The following MLXIPL variants were observed in gnomAD, a reference collection of about 807,000 sequenced individuals.
The protein encoded by MLXIPL is carbohydrate-responsive element-binding protein.
MLXIPL carries 49 observed loss-of-function variants against 81.5 expected under a neutral mutation model. That is an observed-to-expected ratio of 0.60 (90% CI 0.48 to 0.76). The LOEUF (loss-of-function observed/expected upper bound fraction) is 0.76, where lower values mean the gene tolerates loss of function less well. MLXIPL is among the 30% of genes least tolerant of loss of function. The pLI, the probability that MLXIPL is intolerant of heterozygous loss-of-function variation, is 0.00. For missense variants in MLXIPL, 1,053 were observed against 1,167.0 expected (o/e 0.90, Z 1.42); for synonymous variants, 466 against 485.5 (o/e 0.96, Z 0.53).
In MLXIPL at chr7:73,597,184, G is replaced by A. The variant is rs1168652119; in HGVS notation, c.1601C>T (p.Ala534Val). ...CTCTCCCCGTTGCTGGCCCTCACCT[G>A]CTGTGAGCAGCTGTGTGAGGCAGGG... ...NNPCLTQLLT[A>V]AKPEQALEPP... The change falls in exon 9 of 17, where the codon GCA becomes GTA. Residue 534 changes from alanine to valine, a missense_variant and splice_region_variant. Coordinates refer to ENST00000313375, the MANE Select transcript of MLXIPL (RefSeq NM_032951.3). 15 of 1,602,148 alleles carry A rather than the reference G, an allele frequency of 9.4e-6. No individual in the cohort carries two copies. Among genetic ancestry groups the A allele is most frequent in the Non-Finnish European group, 1.3e-5 (15 of 1,176,944 alleles).
Position 73,615,108 on chromosome 7 carries a change from G to A in MLXIPL, c.400+963C>T, listed in dbSNP as rs1439030957. On this transcript the variant is annotated intron_variant, in intron 2 of 16. Transcript: ENST00000313375. ...TACAGGTGTGAGCCACCGTGGCCTC[G>A]TTTTTATAGATAAGGAAACAAGTTC... is the stretch of plus-strand genomic sequence containing the variant. 1.1e-4 allele frequency among the ~76,000 whole-genome samples: 17 copies of A among 152,096 alleles called. No individual in the cohort carries two copies. The South Asian group carries it at 1.5e-3, about 13-fold the overall frequency.
chr7:73,638,337 C>T, the MLXIPL span, among the ~76,000 whole-genome samples: 6 of 151,786 alleles, frequency 4.0e-5, no homozygotes, highest in South Asian at 1.2e-3. Context: ...CAGAATCTCA[C>T]TCTGTCACCC....
At position 73,624,065 on chromosome 7, in the gene MLXIPL, G is replaced by A. The variant is rs933843500; in HGVS notation, c.293+135C>T. 109 of 1,236,904 alleles carry A rather than the reference G, an allele frequency of 8.8e-5. 1 individual carries two copies. The highest frequency in any genetic ancestry group is 8.7e-4 in the South Asian group (54 of 61,770). 76.6% of individuals were successfully genotyped at this position (1,236,904 alleles called of 1,614,324 possible). A position where few individuals can be genotyped will look rare whatever the true frequency, so the allele number is the denominator to read the frequency against. ...CTGGGAGAAAGGGGGTGTCCAGGGCGTGATCGGAGCCTCCGGGAGCCGCAG... is the reference window on the plus strand; with the variant it reads ...CTGGGAGAAAGGGGGTGTCCAGGGCATGATCGGAGCCTCCGGGAGCCGCAG... On this transcript the variant is annotated intron_variant, in intron 1 of 16. Transcript: ENST00000313375.
upstream of MLXIPL, among the ~76,000 whole-genome samples, chr7:73,629,035 T>A (rs35144872): frequency 2.2e-3 from 330 of 151,472 alleles, 1 homozygote; most frequent in African/African-American, 7.5e-3. Context: ...ACCACCCTTG[T>A]TCTTTTCTTT....
In MLXIPL at chr7:73,593,778, G is replaced by T; in HGVS notation, c.*87C>A. 1 of 1,183,174 alleles carries T rather than the reference G, an allele frequency of 8.5e-7. No individual in the cohort carries two copies. The highest frequency in any genetic ancestry group is 1.3e-6 in the Non-Finnish European group (1 of 790,084). The allele number at this position is 1,183,174 out of a possible 1,614,324, so 73.3% of individuals were successfully genotyped here. The stretch of plus-strand genomic sequence containing the variant: ...GCAGAGCCAGGGCCTGGGGCAGGAA[G>T]GGAGTGCCCAGAGATGATCCCTGGA... On this transcript the variant is annotated 3_prime_UTR_variant, in exon 17 of 17. Coordinates refer to ENST00000313375, the MANE Select transcript of MLXIPL (RefSeq NM_032951.3).
At chr7:73,624,557 C>A (rs919740146), upstream of MLXIPL, 31 of 1,459,756 alleles carry the variant, frequency 2.1e-5, no homozygotes, top group African/African-American at 4.0e-4. Context: ...TCTTGGCCAG[C>A]CGGGCCTCAT....
chr7:73,629,695 A>T, the MLXIPL span, among the ~76,000 whole-genome samples: 1 of 152,222 alleles, frequency 6.6e-6, no homozygotes, highest in African/African-American at 2.4e-5. Context: ...ACTGTACTCC[A>T]GCCTGGGTGA....
intron 8 of MLXIPL, 86 bp downstream of exon 8, chr7:73,599,440 A>T (rs1794605180): frequency 7.9e-6 from 12 of 1,510,050 alleles, no homozygotes; most frequent in Non-Finnish European, 1.1e-5. Flanking sequence ...GCACTCAGGG[A>T]GTGTCTGATA....
At chr7:73,602,408 C>T (rs797033800) in intron 7 of MLXIPL, among the ~76,000 whole-genome samples, 10 of 150,748 alleles carry the variant, frequency 6.6e-5, no homozygotes, top group East Asian at 2.0e-4. Context: ...CGGTGGCTCA[C>T]GCCTGTAATC....
chr7:73,622,378 ACT>A (rs1217812568), intron 1 of MLXIPL, among the ~76,000 whole-genome samples: 1 of 151,598 alleles, frequency 6.6e-6, no homozygotes, highest in Non-Finnish European at 1.5e-5. Context: ...AATCCCAGCT[ACT>A]CAGGAGGCTG....
At chr7:73,605,235 A>C (rs2116333491) in intron 7 of MLXIPL, among the ~76,000 whole-genome samples, 1 of 152,198 alleles carries the variant, frequency 6.6e-6, no homozygotes, top group South Asian at 2.1e-4. Flanking sequence ...CACCAGCTGG[A>C]CAAAAGGAGA....
chr7:73,596,525 A>G lies in MLXIPL; in HGVS notation c.1823-46T>C. 6.2e-7 allele frequency: 1 copy of G among 1,609,802 alleles called. No individual in the cohort carries two copies. The highest frequency in any genetic ancestry group is 2.2e-5 in the East Asian group (1 of 44,808). On this transcript the variant is annotated intron_variant, in intron 11 of 16. Coordinates refer to ENST00000313375, the MANE Select transcript of MLXIPL (RefSeq NM_032951.3). The surrounding 1 kb of genome is among the most constrained non-coding windows in gnomAD (Gnocchi z 4.7). ...CCCACAGAAAGACCGACCCAGGGGA[A>G]AGGGTCCCCATTGCCCCCTTCCTCT... is the stretch of plus-strand genomic sequence containing the variant.
intron 2 of MLXIPL, among the ~76,000 whole-genome samples, chr7:73,612,658 AAG>A (rs1202917650): frequency 4.0e-5 from 6 of 151,468 alleles, no homozygotes; most frequent in Non-Finnish European, 7.4e-5. Flanking sequence ...AAAAAAAAAA[AAG>A]TTTGTCCAGG....
In MLXIPL at chr7:73,624,439, C is replaced by T. The variant is rs1554603157; in HGVS notation, c.54G>A (p.Ala18=). 1 of 1,555,938 alleles carries T rather than the reference C, an allele frequency of 6.4e-7. No homozygotes were observed. Among genetic ancestry groups the T allele is most frequent in the South Asian group, 1.2e-5 (1 of 86,210 alleles). The change falls in exon 1 of 17, where the codon GCG becomes GCA. Residue 18 remains alanine (A), a synonymous_variant. Transcript: ENST00000313375. ...LAAGLQVPRV[A]PSPDSDSDTD... ...TGTCCGAGTCCGAGTCTGGGCTGGGCGCGACCCGCGGGACCTGCAAGCCCG... is the reference window on the plus strand; with the variant it reads ...TGTCCGAGTCCGAGTCTGGGCTGGGTGCGACCCGCGGGACCTGCAAGCCCG...
At chr7:73,637,302 ACC>A in the MLXIPL span, among the ~76,000 whole-genome samples, 1 of 151,482 alleles carries the variant, frequency 6.6e-6, no homozygotes, top group Non-Finnish European at 1.5e-5. Flanking sequence ...ACACGGCGAA[ACC>A]CCGTCTCTCC....
intron 2 of MLXIPL, among the ~76,000 whole-genome samples, chr7:73,615,249 C>T (rs1263720440): frequency 6.6e-6 from 1 of 152,180 alleles, no homozygotes; most frequent in Non-Finnish European, 1.5e-5. Flanking sequence ...ATGGCATGGC[C>T]TCTCTGGATC....
intron 1 of MLXIPL, among the ~76,000 whole-genome samples, chr7:73,622,024 C>T (rs1554602376): frequency 2.0e-5 from 2 of 102,334 alleles, no homozygotes; most frequent in Admixed American, 9.7e-5. Context: ...CATCTCCCTC[C>T]CTCCCTCCCT....
chr7:73,629,549 A>C, the MLXIPL span, among the ~76,000 whole-genome samples: 3 of 152,266 alleles, frequency 2.0e-5, no homozygotes, highest in East Asian at 5.8e-4. Flanking sequence ...CCTGGACAGC[A>C]TAGCAAGACT....
At chr7:73,625,951 T>G (rs1386711771), upstream of MLXIPL, among the ~76,000 whole-genome samples, 1 of 152,146 alleles carries the variant, frequency 6.6e-6, no homozygotes, top group Non-Finnish European at 1.5e-5. Flanking sequence ...TCACTGACAC[T>G]GAGGTCCAGC....
Sources: gnomAD v4.1 joint callset for allele counts (sites outside exome capture counted in the v4.1 genomes callset) on GRCh38, gnomAD v4.1.1 for gene constraint, Gnocchi (gnomAD v3.1) non-coding constraint, MANE v1.5 for transcripts, NCBI Gene and HGNC (gene_info 2026-07-23, HGNC 2026-07-21) for gene names.